The following HSD17B12 variants were observed in gnomAD, a reference collection of about 807,000 sequenced individuals.
HSD17B12 encodes hydroxysteroid 17-beta dehydrogenase 12.
Under a neutral mutation model 39.3 loss-of-function variants are expected in HSD17B12, and 32 were observed. The observed-to-expected ratio is 0.81, with a 90% confidence interval of 0.61 to 1.09. The LOEUF (loss-of-function observed/expected upper bound fraction) is 1.09, where lower values mean the gene tolerates loss of function less well. Ranked by LOEUF, HSD17B12 falls within the 50% of genes least tolerant of loss-of-function variation. The pLI, the probability that HSD17B12 is intolerant of heterozygous loss-of-function variation, is 0.00. For missense variants in HSD17B12, 342 were observed against 382.9 expected (o/e 0.89, Z 0.89); for synonymous variants, 150 against 146.7 (o/e 1.02, Z -0.16).
At chr11:43,734,614 G>A (rs1435076445) in intron 1 of HSD17B12, 6 of 377,370 alleles carry the variant, frequency 1.6e-5, no homozygotes, top group African/African-American at 4.2e-5. Context: ...CCACAGCCCC[G>A]ATGATTCTTA....
intron 9 of HSD17B12, among the ~76,000 whole-genome samples, chr11:43,841,864 T>C (rs1951429874): frequency 6.6e-6 from 1 of 152,170 alleles, no homozygotes; most frequent in Non-Finnish European, 1.5e-5. Flanking sequence ...TCGATCAAAA[T>C]AATAATAGTG....
chr11:43,680,535 C>T (rs1356971293), upstream of HSD17B12: 4 of 446,100 alleles, frequency 9.0e-6, no homozygotes, highest in Non-Finnish European at 1.6e-5. Flanking sequence ...CGGGGCGCCT[C>T]GGTGGGGTGA....
At chr11:43,665,767 G>A in the HSD17B12 span, among the ~76,000 whole-genome samples, 3 of 151,952 alleles carry the variant, frequency 2.0e-5, no homozygotes, top group South Asian at 2.1e-4. Flanking sequence ...ACGCACACAC[G>A]CGCATGCACA....
At chr11:43,810,962 A>G (rs1951067890) in intron 4 of HSD17B12, among the ~76,000 whole-genome samples, 1 of 152,170 alleles carries the variant, frequency 6.6e-6, no homozygotes, top group Non-Finnish European at 1.5e-5. Context: ...TTGGAGCAAC[A>G]TGTGCCATTG....
chr11:43,725,155 G>A (rs1950210016), intron 1 of HSD17B12, among the ~76,000 whole-genome samples: 1 of 152,166 alleles, frequency 6.6e-6, no homozygotes, highest in African/African-American at 2.4e-5. Context: ...CTAGGTAAGA[G>A]TATAGGCACT....
At chr11:43,817,939 T>C (rs1951145999) in intron 6 of HSD17B12, among the ~76,000 whole-genome samples, 1 of 152,206 alleles carries the variant, frequency 6.6e-6, no homozygotes, top group African/African-American at 2.4e-5. Flanking sequence ...TTTGGCAGTA[T>C]GGTCATTTTC....
chr11:43,855,116 A>C, intron 10 of HSD17B12, 28 bp from the exon 11 acceptor site: 1 of 1,434,502 alleles, frequency 7.0e-7, no homozygotes, highest in Non-Finnish European at 9.7e-7. Context: ...GGCTATAATT[A>C]CATATCTCTC....
At chr11:43,769,686 G>T (rs760740372) in intron 3 of HSD17B12, among the ~76,000 whole-genome samples, 12 of 152,184 alleles carry the variant, frequency 7.9e-5, no homozygotes, top group Non-Finnish European at 1.6e-4. Flanking sequence ...CTGAAGTGAA[G>T]AAATAGAATG....
the HSD17B12 span, among the ~76,000 whole-genome samples, chr11:43,563,197 G>A: frequency 6.6e-6 from 1 of 152,138 alleles, no homozygotes; most frequent in Non-Finnish European, 1.5e-5. Context: ...GGCCCATTAT[G>A]GAAGGCCATA....
chr11:43,780,301 G>T (rs1950752042), intron 3 of HSD17B12, among the ~76,000 whole-genome samples: 1 of 152,086 alleles, frequency 6.6e-6, no homozygotes, highest in African/African-American at 2.4e-5. Flanking sequence ...AAGTAGCTGG[G>T]ATTACAGGCA....
the HSD17B12 span, among the ~76,000 whole-genome samples, chr11:43,594,529 T>C: frequency 8.1e-5 from 12 of 148,182 alleles, no homozygotes; most frequent in Non-Finnish European, 1.3e-4. Context: ...TCTTTTCTCT[T>C]TTTTTTTTTT....
intron 1 of HSD17B12, among the ~76,000 whole-genome samples, chr11:43,738,012 G>T (rs1431727183): frequency 6.7e-6 from 1 of 148,410 alleles, no homozygotes; most frequent in Non-Finnish European, 1.5e-5. Context: ...GGCGGAGCTT[G>T]CAGTGAGCGG....
rs561283182 is a variant in HSD17B12, at chr11:43,754,791, G to C, written c.283+670G>C. On this transcript the variant is annotated intron_variant, in intron 3 of 10. Coordinates refer to ENST00000278353, the MANE Select transcript of HSD17B12 (RefSeq NM_016142.3). Reference sequence around the variant, plus strand: ...TCTTTTTATCTCAGTGTTTCTAAATGTATAACACATATGTGTTAGGAAAAA... The same window carrying C: ...TCTTTTTATCTCAGTGTTTCTAAATCTATAACACATATGTGTTAGGAAAAA... 23 of 708,972 alleles carry C rather than the reference G, an allele frequency of 3.2e-5. 1 individual carries two copies. The highest frequency in any genetic ancestry group is 5.6e-5 in the Non-Finnish European group (22 of 395,212). The allele number at this position is 708,972 out of a possible 1,614,324, so 43.9% of individuals were successfully genotyped here.
the HSD17B12 span, among the ~76,000 whole-genome samples, chr11:43,590,570 T>A: frequency 7.5e-6 from 1 of 133,524 alleles, no homozygotes; most frequent in Non-Finnish European, 1.6e-5. Flanking sequence ...AGAGCTGCGA[T>A]CTTGGGTCAC....
chr11:43,724,972 T>G (rs1950208340), intron 1 of HSD17B12, among the ~76,000 whole-genome samples: 1 of 152,232 alleles, frequency 6.6e-6, no homozygotes, highest in African/African-American at 2.4e-5. Context: ...GGATTGGTAT[T>G]CACTTATCTC....
chr11:43,621,260 A>G, the HSD17B12 span, among the ~76,000 whole-genome samples: 2 of 152,190 alleles, frequency 1.3e-5, no homozygotes, highest in Non-Finnish European at 2.9e-5. Context: ...TTGTGTAGAC[A>G]GAAATGAATA....
the HSD17B12 span, among the ~76,000 whole-genome samples, chr11:43,671,175 A>AT: frequency 6.6e-6 from 1 of 151,816 alleles, no homozygotes; most frequent in East Asian, 1.9e-4. Context: ...TTATTTATTT[A>AT]TTTTTTTGAG....
At chr11:43,787,738 GA>G (rs34311637) in intron 3 of HSD17B12, among the ~76,000 whole-genome samples, 121 of 140,824 alleles carry the variant, frequency 8.6e-4, no homozygotes, top group Admixed American at 1.5e-3. Context: ...CTCCGTCTCG[GA>G]AAAAAAAAAA....
chr11:43,669,204 G>A, the HSD17B12 span, among the ~76,000 whole-genome samples: 1 of 152,010 alleles, frequency 6.6e-6, no homozygotes, highest in Non-Finnish European at 1.5e-5. Flanking sequence ...TGGCTTTAAA[G>A]AATAGCAATT....
Sources: allele counts gnomAD v4.1 joint callset (sites outside exome capture counted in the v4.1 genomes callset), GRCh38; gene constraint gnomAD v4.1.1; transcripts MANE v1.5; gene names NCBI Gene and HGNC (gene_info 2026-07-23, HGNC 2026-07-21).